SLC4A3: variants seen among roughly 807,000 people sequenced by gnomAD.
The protein encoded by SLC4A3 is anion exchange protein 3.
Under a neutral mutation model 114.2 loss-of-function variants are expected in SLC4A3, and 47 were observed. The ratio of observed to expected loss-of-function variants is 0.41; its 90% CI spans 0.33 to 0.52. The LOEUF is 0.52. Ranked by LOEUF, SLC4A3 falls within the 20% of genes least tolerant of loss-of-function variation. The pLI is 0.21. For missense variants in SLC4A3, 1,312 were observed against 1,668.3 expected, an observed-to-expected ratio of 0.79 and a Z score of 3.72; for synonymous variants, 693 against 710.3, an observed-to-expected ratio of 0.98 and a Z score of 0.39.
In SLC4A3 at chr2:219,638,753, G is replaced by T; in HGVS notation, c.2907G>T (p.Ser969=). Residue 969 remains serine (S), a synonymous_variant, in exon 19 of 23, where the codon TCG becomes TCT. Transcript: ENST00000358055. This position sits in a 1 kb window ranked among gnomAD's most constrained non-coding sequence, Gnocchi z 7.5. ...GLSVTSPDKR[S]WFIPPLGSAR... is the part of the protein sequence containing the mutation. ...CAGTGACCTCTCCCGATAAGCGCTC[G>T]TGGTTCATCCCACCCCTGGGCAGTG... is the stretch of plus-strand genomic sequence containing the variant. The T allele has an allele frequency of 6.2e-7, 1 of 1,614,124 alleles. No individual in the cohort carries two copies. The highest frequency in any genetic ancestry group is 8.5e-7 in the Non-Finnish European group (1 of 1,180,016).
Position 219,632,785 on chromosome 2 carries a change from C to T in SLC4A3, c.1142-89C>T, listed in dbSNP as rs138505488. 1.1e-3 allele frequency: 1,630 copies of T among 1,542,998 alleles called. 3 individuals are homozygous for T. Among genetic ancestry groups the T allele is most frequent in the Non-Finnish European group, 1.3e-3 (1,516 of 1,127,750 alleles). On this transcript the variant is annotated intron_variant, in intron 8 of 22. Transcript: ENST00000358055. ...GGGCGCTTTGCCCTTCCAGCACATT[C>T]GCATGCTTTTGGGGGGCAAGGCAGA... is the stretch of plus-strand genomic sequence containing the variant.
In SLC4A3 at chr2:219,629,292, G is replaced by C; in HGVS notation, c.366G>C (p.Gly122=). Residue 122 remains glycine (G), a synonymous_variant, in exon 4 of 23, where the codon GGG becomes GGC. Transcript: ENST00000358055. Reference sequence around the variant, plus strand: ...AAACCTCTGCTCCTCCCTCCGAGGGGACCCCTCCCATCCAGGAGGAGGGGG... The same window carrying C: ...AAACCTCTGCTCCTCCCTCCGAGGGCACCCCTCCCATCCAGGAGGAGGGGG... ...KEKTSAPPSE[G]TPPIQEEGGA... is the part of the protein sequence containing the mutation. 6.2e-7 allele frequency: 1 copy of C among 1,613,920 alleles called. No individual in the cohort carries two copies. The highest frequency in any genetic ancestry group is 1.1e-5 in the South Asian group (1 of 91,054).
At position 219,637,388 on chromosome 2, in the gene SLC4A3, G is replaced by A. The variant is rs901746612; in HGVS notation, c.2536-193G>A. 9.9e-5 allele frequency among the ~76,000 whole-genome samples: 15 copies of A among 151,700 alleles called. No individual in the cohort carries two copies. The highest frequency in any genetic ancestry group is 1.3e-4 in the Admixed American group (2 of 15,212). On this transcript the variant is annotated intron_variant, in intron 16 of 22. Transcript: ENST00000358055. The surrounding 1 kb of genome is among the most constrained non-coding windows in gnomAD (Gnocchi z 4.6). ...GTATGTGTTATGTGTGTGTTGTTAC[G>A]TGTTGTGTGTGTTGTATGTGTGTGT...
Position 219,641,076 on chromosome 2 carries a change from G to A in SLC4A3, c.3621+114G>A, listed in dbSNP as rs1194178610. The A allele has an allele frequency of 8.0e-6, 8 of 997,280 alleles. No individual in the cohort carries two copies. The South Asian group carries it at 9.4e-5, about 12-fold the overall frequency. 61.8% of individuals were successfully genotyped at this position (997,280 alleles called of 1,614,324 possible). On this transcript the variant is annotated intron_variant, in intron 22 of 22. Transcript: ENST00000358055. The surrounding 1 kb of genome is among the most constrained non-coding windows in gnomAD (Gnocchi z 4.0). The stretch of plus-strand genomic sequence containing the variant: ...TTGTGAAACTTGTGTAACTTGTGTT[G>A]CAAGTTATCTCACCTTCCGAAATCT...
At position 219,641,700 on chromosome 2, in the gene SLC4A3, A is replaced by C. The variant is rs1279763173; in HGVS notation, c.3671A>C (p.Glu1224Ala). The change falls in exon 23 of 23, where the codon GAG becomes GCG. Residue 1224 changes from glutamate to alanine, a missense_variant. Physicochemically the swap from Glu to Ala is moderately radical, Grantham distance 107 (BLOSUM62 -1). Coordinates refer to ENST00000358055, the MANE Select transcript of SLC4A3 (RefSeq NM_005070.4). This position sits in a 1 kb window ranked among gnomAD's most constrained non-coding sequence, Gnocchi z 4.0. ...EPNFDEDGQD[E>A]YNELHMPV is the part of the protein sequence containing the mutation. The stretch of plus-strand genomic sequence containing the variant: ...AACTTCGATGAGGATGGCCAGGATG[A>C]GTACAATGAGCTGCACATGCCAGTG... 6.2e-7 allele frequency: 1 copy of C among 1,614,068 alleles called. No homozygotes were observed. The highest frequency in any genetic ancestry group is 2.2e-5 in the East Asian group (1 of 44,872).
chr2:219,633,656 C>T (rs1312636532), intron 10 of SLC4A3, among the ~76,000 whole-genome samples, 199 bp downstream of exon 10: 2 of 152,208 alleles, frequency 1.3e-5, no homozygotes, highest in Non-Finnish European at 2.9e-5. Context: ...ATGTGGCAGA[C>T]CCACAGGAGC....
At chr2:219,633,840 C>G (rs778030175) in intron 10 of SLC4A3, 40 bp from the exon 11 acceptor site, 3 of 1,550,806 alleles carry the variant, frequency 1.9e-6, no homozygotes, top group Admixed American at 3.9e-5. Context: ...CCACGGCCTC[C>G]GGTCTGGGTC....
Position 219,638,937 on chromosome 2 carries a change from A to AAAAC in SLC4A3, c.3023+68_3023+69insAAAC. 8 of 1,541,064 alleles carry AAAAC rather than the reference A, an allele frequency of 5.2e-6. No homozygotes were observed. Among genetic ancestry groups the AAAAC allele is most frequent in the Non-Finnish European group, 7.1e-6 (8 of 1,129,788 alleles). ...CTCCTTGGCTCCTTGGCTTGGTTTCAGGGTTATAGCAGGGACATCATTATC... is the reference window on the plus strand; with the variant it reads ...CTCCTTGGCTCCTTGGCTTGGTTTCAAAACGGGTTATAGCAGGGACATCATTATC... On this transcript the variant is annotated intron_variant, in intron 19 of 22. Transcript: ENST00000358055. This position sits in a 1 kb window ranked among gnomAD's most constrained non-coding sequence, Gnocchi z 7.5.
Position 219,634,609 on chromosome 2 carries a change from G to A in SLC4A3, c.1746+5G>A. ...GCCACCCTTATGTCTGACAAGGTTGGGCGCGTGCTGGCTCTCAAGGCCTCT... is the reference window on the plus strand; with the variant it reads ...GCCACCCTTATGTCTGACAAGGTTGAGCGCGTGCTGGCTCTCAAGGCCTCT... On this transcript the variant is annotated splice_donor_5th_base_variant and intron_variant, in intron 12 of 22. Coordinates refer to ENST00000358055, the MANE Select transcript of SLC4A3 (RefSeq NM_005070.4). The A allele has an allele frequency of 6.2e-7, 1 of 1,613,422 alleles. No individual in the cohort carries two copies. Among genetic ancestry groups the A allele is most frequent in the Non-Finnish European group, 8.5e-7 (1 of 1,179,652 alleles).
In SLC4A3 at chr2:219,632,386, A is replaced by G. The variant is rs778219226; in HGVS notation, c.1085A>G (p.His362Arg). The G allele has an allele frequency of 2.9e-5, 47 of 1,613,132 alleles. 1 individual carries two copies. In the African/African-American group the frequency reaches 4.3e-4, roughly 15 times the overall value. ...GAGACGGAGCGCTGGGGGAAGCCCCATGTTGCCTCGCTCTCCTTCCGTAGC... is the reference window on the plus strand; with the variant it reads ...GAGACGGAGCGCTGGGGGAAGCCCCGTGTTGCCTCGCTCTCCTTCCGTAGC... Reference protein sequence around the residue: ...EEETERWGKPHVASLSFRSLL... With the variant: ...EEETERWGKPRVASLSFRSLL... Residue 362 changes from histidine (H) to arginine (R), a missense_variant, in exon 8 of 23, where the codon CAT becomes CGT. By Grantham distance (29) the His-to-Arg change is conservative. Coordinates refer to ENST00000358055, the MANE Select transcript of SLC4A3 (RefSeq NM_005070.4).
chr2:219,639,376 T>C lies in SLC4A3; in HGVS notation c.3024-106T>C, dbSNP rs528073568. The C allele has an allele frequency of 4.2e-5, 56 of 1,341,464 alleles. No homozygotes were observed. The highest frequency in any genetic ancestry group is 5.5e-5 in the Non-Finnish European group (53 of 967,788). 83.1% of individuals were successfully genotyped at this position (1,341,464 alleles called of 1,614,324 possible). A position where few individuals can be genotyped will look rare whatever the true frequency, so the allele number is the denominator to read the frequency against. ...AGCTGGCAGTCCTAGGGAGAACTGT[T>C]GTCTGCACGTCCTCCCCCCACCATC... On this transcript the variant is annotated intron_variant, in intron 19 of 22. Transcript: ENST00000358055. This position sits in a 1 kb window ranked among gnomAD's most constrained non-coding sequence, Gnocchi z 5.9.
rs1290020483 is a variant in SLC4A3 at position 219,630,375 on chromosome 2, C to T, written c.811+23C>T. 1.9e-6 allele frequency: 3 copies of T among 1,577,404 alleles called. No homozygotes were observed. Among genetic ancestry groups the T allele is most frequent in the East Asian group, 2.3e-5 (1 of 44,276 alleles). On this transcript the variant is annotated intron_variant, in intron 6 of 22. Transcript: ENST00000358055. This position sits in a 1 kb window ranked among gnomAD's most constrained non-coding sequence, Gnocchi z 6.9. ...AGAGTGAGTGAGACCTTGTGGCAGC[C>T]CCCATGGTCCACTGCGACGGACTCC...
chr2:219,631,511 A>G lies in SLC4A3; in HGVS notation c.812-457A>G. The G allele has an allele frequency of 1.6e-6, 2 of 1,282,540 alleles. No homozygotes were observed. Among genetic ancestry groups the G allele is most frequent in the Non-Finnish European group, 2.1e-6 (2 of 974,680 alleles). 79.4% of individuals were successfully genotyped at this position (1,282,540 alleles called of 1,614,324 possible). A position where few individuals can be genotyped will look rare whatever the true frequency, so the allele number is the denominator to read the frequency against. Reference sequence around the variant, plus strand: ...ACTGCTGCTGGCCTGGGTGGGGCAGACAGGAGGAAGGGAGCGAAGCCCTGC... The same window carrying G: ...ACTGCTGCTGGCCTGGGTGGGGCAGGCAGGAGGAAGGGAGCGAAGCCCTGC... On this transcript the variant is annotated intron_variant, in intron 6 of 22. Transcript: ENST00000358055. The surrounding 1 kb of genome is among the most constrained non-coding windows in gnomAD (Gnocchi z 6.3).
Position 219,635,302 on chromosome 2 carries a change from A to G in SLC4A3, c.1778A>G (p.Asp593Gly), listed in dbSNP as rs1270110635. The change falls in exon 13 of 23, where the codon GAC becomes GGC. Residue 593 changes from aspartate (D) to glycine (G), a missense_variant. Around this residue, in one of 4 missense-constraint regions of SLC4A3, gnomAD observed 771 missense variants for 977.7 expected, o/e 0.79. Coordinates refer to ENST00000358055, the MANE Select transcript of SLC4A3 (RefSeq NM_005070.4). ...LFHEAAYQAD[D>G]RQDLLSAISE... is the part of the protein sequence containing the mutation. ...CATGAGGCTGCCTACCAGGCAGATG[A>G]CCGGCAAGACCTCCTAAGTGCCATC... The G allele has an allele frequency of 6.2e-7, 1 of 1,614,024 alleles. No homozygotes were observed. The highest frequency in any genetic ancestry group is 8.5e-7 in the Non-Finnish European group (1 of 1,179,994).
rs759724323 is a variant in SLC4A3 at position 219,638,667 on chromosome 2, G to A, written c.2857-36G>A. 1.2e-6 allele frequency: 2 copies of A among 1,605,302 alleles called. No homozygotes were observed. The highest frequency in any genetic ancestry group is 1.7e-6 in the Non-Finnish European group (2 of 1,175,660). Reference sequence around the variant, plus strand: ...CTTGGTGGGCTTTCTAGCATGGGGAGGCTGTGTCCCTGAACCCTGTTTTCC... The same window carrying A: ...CTTGGTGGGCTTTCTAGCATGGGGAAGCTGTGTCCCTGAACCCTGTTTTCC... On this transcript the variant is annotated intron_variant, in intron 18 of 22. Coordinates refer to ENST00000358055, the MANE Select transcript of SLC4A3 (RefSeq NM_005070.4). The surrounding 1 kb of genome is among the most constrained non-coding windows in gnomAD (Gnocchi z 7.5).
chr2:219,636,640 A>G lies in SLC4A3; in HGVS notation c.2341-40A>G, dbSNP rs1699127931. The G allele has an allele frequency of 1.9e-6, 3 of 1,567,528 alleles. No individual in the cohort carries two copies. In the South Asian group the frequency reaches 3.5e-5, roughly 18 times the overall value. On this transcript the variant is annotated intron_variant, in intron 15 of 22. Coordinates refer to ENST00000358055, the MANE Select transcript of SLC4A3 (RefSeq NM_005070.4). The surrounding 1 kb of genome is among the most constrained non-coding windows in gnomAD (Gnocchi z 5.5). ...TCCAGGGGGCATTGACACCCAGGGC[A>G]GTCCACCTGTGGGTAACGACCGCTC...
rs748215795 is a variant in SLC4A3 at position 219,639,584 on chromosome 2, G to A, written c.3126G>A (p.Gly1042=). The part of the protein sequence containing the change: ...GSLGGLCGLF[G]LPWLTAATVR... ...TGGGGGGGCTCTGTGGGCTGTTTGGGTTGCCCTGGCTCACGGCTGCCACGG... is the reference window on the plus strand; with the variant it reads ...TGGGGGGGCTCTGTGGGCTGTTTGGATTGCCCTGGCTCACGGCTGCCACGG... Residue 1042 remains glycine (G), a synonymous_variant, in exon 20 of 23, where the codon GGG becomes GGA. Transcript: ENST00000358055. This position sits in a 1 kb window ranked among gnomAD's most constrained non-coding sequence, Gnocchi z 5.9. The A allele has an allele frequency of 6.2e-7, 1 of 1,614,090 alleles. No homozygotes were observed. Among genetic ancestry groups the A allele is most frequent in the South Asian group, 1.1e-5 (1 of 91,086 alleles).
chr2:219,629,455 G>A (rs1028289921), intron 4 of SLC4A3, 34 bp downstream of exon 4: 1 of 1,601,852 alleles, frequency 6.2e-7, no homozygotes, highest in African/African-American at 1.3e-5. Flanking sequence ...TGGCAGGTCA[G>A]GGGTCAGGGA....
In SLC4A3 at chr2:219,636,184, G is replaced by A; in HGVS notation, c.2192-118G>A. 1 of 1,171,584 alleles carries A rather than the reference G, an allele frequency of 8.5e-7. No individual in the cohort carries two copies. The highest frequency in any genetic ancestry group is 1.2e-6 in the Non-Finnish European group (1 of 810,746). The allele number at this position is 1,171,584 out of a possible 1,614,324, so 72.6% of individuals were successfully genotyped here. A position where few individuals can be genotyped will look rare whatever the true frequency, so the allele number is the denominator to read the frequency against. On this transcript the variant is annotated intron_variant, in intron 14 of 22. Transcript: ENST00000358055. The surrounding 1 kb of genome is among the most constrained non-coding windows in gnomAD (Gnocchi z 5.5). ...CAATGGGGTATGGAAGGGGCCCTGT[G>A]TGTCACTCTAAGGGGCTGCTCTGCT...
Sources: allele counts gnomAD v4.1 joint callset (sites outside exome capture counted in the v4.1 genomes callset), GRCh38; gene constraint gnomAD v4.1.1; regional missense constraint gnomAD v4.1.1; non-coding constraint Gnocchi (gnomAD v3.1); transcripts MANE v1.5; gene names NCBI Gene and HGNC (gene_info 2026-07-23, HGNC 2026-07-21).